Variants in TANGO6 observed in about 807,000 individuals in gnomAD.
TANGO6 encodes the protein transport and golgi organization 6 homolog, also known as transport and Golgi organization protein 6 homolog.
Under a neutral mutation model 114.2 loss-of-function variants are expected in TANGO6, and 90 were observed. The ratio of observed to expected loss-of-function variants is 0.79; its 90% CI spans 0.66 to 0.94. The LOEUF (loss-of-function observed/expected upper bound fraction) is 0.94. Among genes scored for constraint, TANGO6 ranks in the 40% least tolerant of loss-of-function variants. The probability of loss-of-function intolerance (pLI) is 0.00; values close to 1 mark genes in which losing one functional copy is unlikely to be tolerated. For synonymous variants in TANGO6, 477 were observed against 509.8 expected (o/e 0.94, Z 0.87); for missense variants, 1,274 against 1,315.3 (o/e 0.97, Z 0.49).
chr16:68,883,997 C>T (rs960440514), intron 7 of TANGO6, among the ~76,000 whole-genome samples: 20 of 152,030 alleles, frequency 1.3e-4, no homozygotes, highest in Non-Finnish European at 1.8e-4. Flanking sequence ...ACAACTTACA[C>T]CTCCCAGGTT....
At chr16:69,021,971 C>T (rs1312196536) in intron 15 of TANGO6, among the ~76,000 whole-genome samples, 1 of 150,806 alleles carries the variant, frequency 6.6e-6, no homozygotes, top group African/African-American at 2.4e-5. Context: ...CTGCAAGCTC[C>T]GCCTCCCGGG....
At chr16:68,892,997 C>T (rs997951921) in intron 7 of TANGO6, among the ~76,000 whole-genome samples, 3 of 152,168 alleles carry the variant, frequency 2.0e-5, no homozygotes, top group Non-Finnish European at 4.4e-5. Flanking sequence ...AACCTTTCAA[C>T]TGAACATGAT....
At chr16:68,905,113 C>T (rs1230447228) in intron 9 of TANGO6, among the ~76,000 whole-genome samples, 2 of 152,006 alleles carry the variant, frequency 1.3e-5, no homozygotes, top group Non-Finnish European at 2.9e-5. Flanking sequence ...GCCTGTATTC[C>T]CAGCTACTTG....
rs190618039 is a variant in TANGO6, at chr16:69,028,260, C to A, written c.2994+5281C>A. ...ATAGGCGTGAGCCACCGCTCCCGGC[C>A]CTCCAAATATTATTATTTTTAAATA... is the stretch of plus-strand genomic sequence containing the variant. On this transcript the variant is annotated intron_variant, in intron 16 of 17. Transcript: ENST00000261778. Among the ~76,000 whole-genome samples the A allele has an allele frequency of 2.6e-5, 4 of 152,212 alleles. No individual in the cohort carries two copies. The East Asian group carries it at 5.8e-4, about 22-fold the overall frequency.
chr16:68,859,878 C>T lies in TANGO6; in HGVS notation c.95-6C>T, dbSNP rs17690624. 179,164 of 1,541,164 alleles carry T rather than the reference C, an allele frequency of 0.12. 11,107 individuals are homozygous for T. The highest frequency in any genetic ancestry group is 0.12 in the Non-Finnish European group (142,576 of 1,148,806). On this transcript the variant is annotated splice_polypyrimidine_tract_variant and splice_region_variant and intron_variant, in intron 1 of 17. Transcript: ENST00000261778. ...TATAAACTCTCCTTTTTTTCTTCTT[C>T]AAAAGGCTCGGGCTCAAGTTCACTA...
intron 14 of TANGO6, among the ~76,000 whole-genome samples, chr16:68,960,402 A>T (rs1282978220): frequency 6.7e-6 from 1 of 150,076 alleles, no homozygotes; most frequent in Non-Finnish European, 1.5e-5. Flanking sequence ...CCCCTCTGGG[A>T]TTCATTCACA....
intron 14 of TANGO6, chr16:68,937,645 G>A (rs746954960): frequency 2.6e-5 from 4 of 152,108 alleles, no homozygotes; most frequent in African/African-American, 7.2e-5. Flanking sequence ...TACAATATGC[G>A]GTCTTTTTTG....
rs1041781340 is a variant in TANGO6, at chr16:68,865,653, G to A, written c.853-1426G>A. ...AAATACAAAAGAAATCCGGCCGGGC[G>A]CGGTGGCGCACTTTGGGAGGCTGAG... On this transcript the variant is annotated intron_variant, in intron 3 of 17. Transcript: ENST00000261778. 4.5e-4 allele frequency among the ~76,000 whole-genome samples: 68 copies of A among 152,004 alleles called. 1 individual carries two copies. Among genetic ancestry groups the A allele is most frequent in the Admixed American group, 2.4e-3 (37 of 15,260 alleles).
chr16:68,996,059 C>A (rs1040660641), intron 15 of TANGO6, among the ~76,000 whole-genome samples: 3 of 152,066 alleles, frequency 2.0e-5, no homozygotes, highest in Admixed American at 2.0e-4. Flanking sequence ...ACTGTAGCTG[C>A]GTACATTATA....
In TANGO6 at chr16:68,898,882, A is replaced by G. The variant is rs1346741939; in HGVS notation, c.1378-1552A>G. 2.0e-5 allele frequency among the ~76,000 whole-genome samples: 3 copies of G among 152,042 alleles called. No individual in the cohort carries two copies. The South Asian group carries it at 6.2e-4, about 32-fold the overall frequency. On this transcript the variant is annotated intron_variant, in intron 7 of 17. Transcript: ENST00000261778. ...TAACAGAATTACATTTTGAAATCCTATTGTGTTTAATTGGAGTTTTGAATA... is the reference window on the plus strand; with the variant it reads ...TAACAGAATTACATTTTGAAATCCTGTTGTGTTTAATTGGAGTTTTGAATA...
chr16:69,012,858 A>C (rs1200527893), intron 15 of TANGO6, among the ~76,000 whole-genome samples: 3 of 152,190 alleles, frequency 2.0e-5, no homozygotes, highest in Non-Finnish European at 2.9e-5. Flanking sequence ...TTACGGTTCA[A>C]ATAAGTTTCA....
chr16:68,966,497 C>A (rs1427706675), intron 14 of TANGO6, among the ~76,000 whole-genome samples: 1 of 151,240 alleles, frequency 6.6e-6, no homozygotes, highest in East Asian at 1.9e-4. Context: ...ATGTGAGACT[C>A]CATCTCAAAA....
At chr16:68,981,598 A>G (rs1963837735) in intron 15 of TANGO6, among the ~76,000 whole-genome samples, 1 of 152,182 alleles carries the variant, frequency 6.6e-6, no homozygotes, top group African/African-American at 2.4e-5. Context: ...TGCCCAAGAT[A>G]ATGAATTGGT....
intron 17 of TANGO6, among the ~76,000 whole-genome samples, chr16:69,076,088 C>CTTTTTTTTT (rs34844519): frequency 1.1e-4 from 9 of 85,680 alleles, no homozygotes; most frequent in Admixed American, 1.7e-4. Flanking sequence ...TATTTCATTT[C>CTTTTTTTTT]TTTTTTTTTT....
chr16:69,083,451 T>C (rs1960494974), intron 17 of TANGO6, 34 bp from the exon 18 acceptor site: 2 of 1,589,854 alleles, frequency 1.3e-6, no homozygotes, highest in Admixed American at 1.7e-5. Flanking sequence ...GCCGGCACAG[T>C]AGACAGGCGG....
intron 11 of TANGO6, among the ~76,000 whole-genome samples, chr16:68,911,162 G>C (rs1031914415): frequency 8.6e-5 from 13 of 151,880 alleles, no homozygotes; most frequent in African/African-American, 2.9e-4. Flanking sequence ...TATCAGCCCA[G>C]GCTGGACTTG....
chr16:68,966,831 G>A (rs1459983168), intron 14 of TANGO6, among the ~76,000 whole-genome samples: 1 of 150,582 alleles, frequency 6.6e-6, no homozygotes, highest in Non-Finnish European at 1.5e-5. Flanking sequence ...GAGTGCAGTG[G>A]CATGATCTCA....
intron 6 of TANGO6, among the ~76,000 whole-genome samples, chr16:68,879,241 G>A (rs1217573042): frequency 1.3e-5 from 2 of 152,120 alleles, no homozygotes; most frequent in African/African-American, 2.4e-5. Context: ...AAAGTGCTGG[G>A]ATTGGTGAGG....
chr16:68,982,046 C>T (rs150743684), intron 15 of TANGO6, among the ~76,000 whole-genome samples: 210 of 152,200 alleles, frequency 1.4e-3, no homozygotes, highest in African/African-American at 4.7e-3. Context: ...ATGTAGTAGA[C>T]GCCCAGGATA....
Sources: gnomAD v4.1 joint callset for allele counts (sites outside exome capture counted in the v4.1 genomes callset) on GRCh38, gnomAD v4.1.1 for gene constraint, MANE v1.5 for transcripts, NCBI Gene and HGNC (gene_info 2026-07-23, HGNC 2026-07-21) for gene names.